Variants in SLC35F1 observed in about 807,000 individuals in gnomAD.
The protein encoded by SLC35F1 is solute carrier family 35 member F1, also known as chromosome 6 open reading frame 169.
SLC35F1 carries 14 observed loss-of-function variants against 48.7 expected under a neutral mutation model. That is an observed-to-expected ratio of 0.29 (90% CI 0.19 to 0.45). SLC35F1 has a LOEUF of 0.45. Among genes scored for constraint, SLC35F1 ranks in the 20% least tolerant of loss-of-function variants. The pLI, the probability that SLC35F1 is intolerant of heterozygous loss-of-function variation, is 1.00. For missense variants in SLC35F1, 404 were observed against 500.0 expected (o/e 0.81, Z 1.83); for synonymous variants, 190 against 202.2 (o/e 0.94, Z 0.51).
At chr6:117,984,876 C>G (rs1347811809) in intron 1 of SLC35F1, among the ~76,000 whole-genome samples, 1 of 152,186 alleles carries the variant, frequency 6.6e-6, no homozygotes, top group African/African-American at 2.4e-5. Flanking sequence ...GTAACTCACA[C>G]ATGTCTGATG....
At chr6:118,147,767 A>G (rs1436724235) in intron 1 of SLC35F1, among the ~76,000 whole-genome samples, 1 of 152,136 alleles carries the variant, frequency 6.6e-6, no homozygotes, top group Non-Finnish European at 1.5e-5. Context: ...AGTGCCAGTA[A>G]AACATTATGT....
At chr6:117,959,599 A>C (rs1776468898) in intron 1 of SLC35F1, among the ~76,000 whole-genome samples, 1 of 152,214 alleles carries the variant, frequency 6.6e-6, no homozygotes, top group African/African-American at 2.4e-5. Flanking sequence ...ATATTTGTAC[A>C]TAATACATAG....
intron 1 of SLC35F1, among the ~76,000 whole-genome samples, chr6:117,990,315 A>T (rs1776901489): frequency 6.6e-6 from 1 of 152,078 alleles, no homozygotes; most frequent in Non-Finnish European, 1.5e-5. Flanking sequence ...GCTGGAGGCC[A>T]TTGGGAAGTG....
chr6:118,111,707 A>G (rs181558706), intron 1 of SLC35F1, among the ~76,000 whole-genome samples: 63 of 152,314 alleles, frequency 4.1e-4, no homozygotes, highest in African/African-American at 1.5e-3. Context: ...TTCTTAATTG[A>G]TCTAACAGAT....
At position 118,269,736 on chromosome 6, in the gene SLC35F1, C is replaced by G. The variant is rs551083245; in HGVS notation, c.637+2582C>G. 5.9e-5 allele frequency among the ~76,000 whole-genome samples: 9 copies of G among 152,138 alleles called. No homozygotes were observed. In the South Asian group the frequency reaches 1.9e-3, roughly 32 times the overall value. ...ACTCACCAGAACATAAGTCAGGCAT[C>G]CAAGTCCATATAAGATGTCATCACC... On this transcript the variant is annotated intron_variant, in intron 4 of 7. Coordinates refer to ENST00000360388, the MANE Select transcript of SLC35F1 (RefSeq NM_001029858.4).
At chr6:118,199,762 A>G (rs1774849512) in intron 2 of SLC35F1, among the ~76,000 whole-genome samples, 2 of 152,342 alleles carry the variant, frequency 1.3e-5, no homozygotes, top group Middle Eastern at 3.4e-3. Context: ...TATTTGCATT[A>G]CTGTGAGTTT....
intron 3 of SLC35F1, among the ~76,000 whole-genome samples, chr6:118,262,910 G>A (rs1775730046): frequency 6.6e-6 from 1 of 151,972 alleles, no homozygotes; most frequent in South Asian, 2.1e-4. Flanking sequence ...AATATAATGA[G>A]ACCCCATCTC....
At chr6:118,240,475 T>A (rs1775424195) in intron 3 of SLC35F1, among the ~76,000 whole-genome samples, 1 of 152,224 alleles carries the variant, frequency 6.6e-6, no homozygotes, top group Admixed American at 6.5e-5. Flanking sequence ...AAGTAATTAC[T>A]GAATACTTCG....
At chr6:118,088,061 T>C (rs1376826197) in intron 1 of SLC35F1, among the ~76,000 whole-genome samples, 4 of 152,342 alleles carry the variant, frequency 2.6e-5, no homozygotes, top group East Asian at 1.9e-4. Flanking sequence ...TGACAAATCA[T>C]TGATATGGTT....
intron 1 of SLC35F1, among the ~76,000 whole-genome samples, chr6:118,010,189 C>T (rs982066265): frequency 6.6e-6 from 1 of 152,062 alleles, no homozygotes; most frequent in African/African-American, 2.4e-5. Flanking sequence ...GTAAATATTC[C>T]TCTGTGGTCC....
chr6:117,951,856 G>A (rs1332347477), intron 1 of SLC35F1, among the ~76,000 whole-genome samples: 1 of 152,166 alleles, frequency 6.6e-6, no homozygotes, highest in African/African-American at 2.4e-5. Flanking sequence ...GAAATGACAA[G>A]GGATTCAGTC....
intron 1 of SLC35F1, among the ~76,000 whole-genome samples, chr6:118,010,340 A>G (rs775299737): frequency 1.3e-5 from 2 of 152,188 alleles, no homozygotes; most frequent in Non-Finnish European, 2.9e-5. Flanking sequence ...CTGTCTGCTC[A>G]GTTAGAGATG....
At chr6:117,999,318 G>A in intron 1 of SLC35F1, 1 of 1,595,906 alleles carries the variant, frequency 6.3e-7, no homozygotes, top group South Asian at 1.1e-5. Context: ...ATTGCCAAGG[G>A]GCTCAGGCTG....
intron 1 of SLC35F1, among the ~76,000 whole-genome samples, chr6:117,977,271 A>C (rs2114847361): frequency 6.7e-6 from 1 of 148,354 alleles, no homozygotes; most frequent in South Asian, 2.1e-4. Context: ...ATCTCGGCCC[A>C]CTGCAACCTC....
chr6:117,990,084 T>A (rs1776897597), intron 1 of SLC35F1, among the ~76,000 whole-genome samples: 1 of 152,140 alleles, frequency 6.6e-6, no homozygotes, highest in Admixed American at 6.6e-5. Context: ...AGAGTTTTTA[T>A]TTCCCTTGGT....
chr6:118,180,132 G>A (rs1196967337), intron 2 of SLC35F1, among the ~76,000 whole-genome samples: 2 of 151,976 alleles, frequency 1.3e-5, no homozygotes, highest in Admixed American at 6.6e-5. Context: ...TGCATATTTG[G>A]GGCTAGAAAG....
At chr6:118,148,885 GT>G (rs1213613598) in intron 1 of SLC35F1, among the ~76,000 whole-genome samples, 1 of 152,134 alleles carries the variant, frequency 6.6e-6, no homozygotes, top group East Asian at 1.9e-4. Flanking sequence ...ATGGAATACA[GT>G]AAAAAACAAC....
intron 1 of SLC35F1, among the ~76,000 whole-genome samples, chr6:118,115,754 T>C (rs1773468761): frequency 6.6e-6 from 1 of 152,190 alleles, no homozygotes; most frequent in African/African-American, 2.4e-5. Flanking sequence ...CGTGCTGCCA[T>C]CTGAGGCCTT....
intron 7 of SLC35F1, among the ~76,000 whole-genome samples, chr6:118,297,653 A>ATT (rs377592182): frequency 7.5e-5 from 9 of 120,610 alleles, no homozygotes; most frequent in African/African-American, 3.2e-4. Context: ...ATATATATAT[A>ATT]ATATATATAA....
Sources: allele counts gnomAD v4.1 joint callset (sites outside exome capture counted in the v4.1 genomes callset), GRCh38; gene constraint gnomAD v4.1.1; transcripts MANE v1.5; gene names NCBI Gene and HGNC (gene_info 2026-07-23, HGNC 2026-07-21).